The following COL25A1 variants were observed in gnomAD, a reference collection of about 807,000 sequenced individuals.
COL25A1 encodes collagen alpha-1(XXV) chain.
In COL25A1, 103 loss-of-function variants were observed where a neutral mutation model predicts 128.4. The observed-to-expected ratio is 0.80, with a 90% CI of 0.68 to 0.94. COL25A1 has a LOEUF of 0.94. Ranked by LOEUF, COL25A1 falls within the 40% of genes least tolerant of loss-of-function variation. COL25A1 has a pLI of 0.00. For missense variants in COL25A1, 745 were observed against 840.0 expected, an observed-to-expected ratio of 0.89 and a Z score of 1.40; for synonymous variants, 279 against 277.2, an observed-to-expected ratio of 1.01 and a Z score of -0.06.
chr4:109,153,588 G>A (rs138481084), intron 3 of COL25A1, among the ~76,000 whole-genome samples: 5 of 152,194 alleles, frequency 3.3e-5, no homozygotes, highest in African/African-American at 1.2e-4. Context: ...GAAACTTAGT[G>A]TCACCAACAA....
intron 3 of COL25A1, among the ~76,000 whole-genome samples, chr4:109,085,892 T>C (rs1579318449): frequency 6.6e-6 from 1 of 152,174 alleles, no homozygotes; most frequent in Non-Finnish European, 1.5e-5. Context: ...GAAAATAACA[T>C]CCAGTATATT....
At position 109,191,997 on chromosome 4, in the gene COL25A1, A is replaced by G. The variant is rs142868950; in HGVS notation, c.367+108586T>C. Among the ~76,000 whole-genome samples, 89 of 152,364 alleles carry G rather than the reference A, an allele frequency of 5.8e-4. No individual in the cohort carries two copies. The East Asian group carries it at 0.016, about 27-fold the overall frequency. ...TGGTCAAAGGGAAATTAATTCCAAC[A>G]AGAAGTGTCAGAGAGATCTTCCTAA... On this transcript the variant is annotated intron_variant, in intron 3 of 37. Coordinates refer to ENST00000399132, the MANE Select transcript of COL25A1 (RefSeq NM_198721.4).
At chr4:108,996,943 G>A (rs912636417) in intron 6 of COL25A1, among the ~76,000 whole-genome samples, 52 of 152,076 alleles carry the variant, frequency 3.4e-4, no homozygotes, top group African/African-American at 1.2e-3. Flanking sequence ...ACAAAGACAC[G>A]ATGTACCAGA....
At chr4:109,233,989 T>C (rs1779317790) in intron 3 of COL25A1, among the ~76,000 whole-genome samples, 1 of 152,140 alleles carries the variant, frequency 6.6e-6, no homozygotes, top group Non-Finnish European at 1.5e-5. Context: ...CTTCAAATAT[T>C]CTGCTTTCCT....
chr4:108,964,841 G>A (rs1366074503), intron 8 of COL25A1, among the ~76,000 whole-genome samples: 1 of 152,122 alleles, frequency 6.6e-6, no homozygotes, highest in Non-Finnish European at 1.5e-5. Context: ...AAATCTTAAT[G>A]AGCTTACTGT....
chr4:108,826,341 C>A (rs1433761550), intron 33 of COL25A1, among the ~76,000 whole-genome samples: 3 of 152,058 alleles, frequency 2.0e-5, no homozygotes, highest in Admixed American at 1.3e-4. Context: ...AGTTTGAGAC[C>A]AGCGTGGCCA....
chr4:109,162,730 C>A (rs1772695858), intron 3 of COL25A1, among the ~76,000 whole-genome samples: 1 of 152,162 alleles, frequency 6.6e-6, no homozygotes, highest in African/African-American at 2.4e-5. Flanking sequence ...AGCTGATTTA[C>A]CTGCTATGCT....
chr4:108,871,596 G>A (rs1380134437), intron 19 of COL25A1, among the ~76,000 whole-genome samples: 10 of 152,192 alleles, frequency 6.6e-5, no homozygotes, highest in South Asian at 4.1e-4. Context: ...GATTACAGGC[G>A]TGAGCCACCG....
At chr4:108,887,296 C>T (rs1042782353) in intron 18 of COL25A1, among the ~76,000 whole-genome samples, 2 of 152,140 alleles carry the variant, frequency 1.3e-5, no homozygotes, top group African/African-American at 4.8e-5. Context: ...CGCCAATGAA[C>T]CCCCAGCATG....
At chr4:108,896,737 G>A (rs1381866056) in intron 15 of COL25A1, 26 bp from the exon 16 acceptor site, 3 of 1,604,116 alleles carry the variant, frequency 1.9e-6, no homozygotes, top group Admixed American at 3.3e-5. Context: ...AGTGACACAT[G>A]TAAAATACAT....
intron 3 of COL25A1, among the ~76,000 whole-genome samples, chr4:109,097,947 C>G (rs1248010937): frequency 2.0e-5 from 3 of 152,016 alleles, no homozygotes; most frequent in Admixed American, 1.3e-4. Context: ...CAGACGTGAG[C>G]CACCGGCACC....
At chr4:108,875,038 G>C (rs1739273674) in intron 19 of COL25A1, among the ~76,000 whole-genome samples, 1 of 152,166 alleles carries the variant, frequency 6.6e-6, no homozygotes, top group South Asian at 2.1e-4. Context: ...AGTCAATTGG[G>C]ATTCCTCACA....
At position 108,845,129 on chromosome 4, in the gene COL25A1, T is replaced by A. The variant is rs1416348302; in HGVS notation, c.1578+60A>T. 13 of 1,383,408 alleles carry A rather than the reference T, an allele frequency of 9.4e-6. No homozygotes were observed. In the East Asian group the frequency reaches 2.5e-4, roughly 27 times the overall value. The allele number at this position is 1,383,408 out of a possible 1,614,324, so 85.7% of individuals were successfully genotyped here. Reference sequence around the variant, plus strand: ...ATCTGGCAGAGGTGGAATAGGTAAGTAACATGTCAGTGTGTGAGGAGGTTC... The same window carrying A: ...ATCTGGCAGAGGTGGAATAGGTAAGAAACATGTCAGTGTGTGAGGAGGTTC... On this transcript the variant is annotated intron_variant, in intron 29 of 37. Coordinates refer to ENST00000399132, the MANE Select transcript of COL25A1 (RefSeq NM_198721.4).
Position 108,845,319 on chromosome 4 carries a change from T to C in COL25A1, c.1516-68A>G, listed in dbSNP as rs1734960497. ...TCCAGTGTAAGAGACAACTGAATTT[T>C]CTCCCCAAACCCATTGTTCTCTTGA... On this transcript the variant is annotated intron_variant, in intron 28 of 37. Transcript: ENST00000399132. 5.6e-6 allele frequency: 7 copies of C among 1,258,842 alleles called. No individual in the cohort carries two copies. In the South Asian group the frequency reaches 7.2e-5, roughly 13 times the overall value. 78.0% of individuals were successfully genotyped at this position (1,258,842 alleles called of 1,614,324 possible).
At chr4:108,860,872 T>C in intron 23 of COL25A1, 55 bp downstream of exon 23, 1 of 1,460,348 alleles carries the variant, frequency 6.8e-7, no homozygotes. Context: ...CAGACATGAA[T>C]TCAAATCTGG....
At chr4:109,146,154 G>A (rs530672403) in intron 3 of COL25A1, among the ~76,000 whole-genome samples, 8 of 152,080 alleles carry the variant, frequency 5.3e-5, no homozygotes, top group Admixed American at 2.0e-4. Context: ...CTTTTTAAAC[G>A]GTTTTGAGGA....
rs1427034926 is a variant in COL25A1 at position 108,812,069 on chromosome 4, C to A, written c.*1858G>T. 1 of 152,166 alleles carries A rather than the reference C, an allele frequency of 6.6e-6. No individual in the cohort carries two copies. Among genetic ancestry groups the A allele is most frequent in the Non-Finnish European group, 1.5e-5 (1 of 68,014 alleles). The allele number at this position is 152,166 out of a possible 1,614,324, so 9.4% of individuals were successfully genotyped here. On this transcript the variant is annotated 3_prime_UTR_variant, in exon 38 of 38. Transcript: ENST00000399132. ...ATGGGCTGAAAGGGTGCCTACTCCTCATTGATAATGTTTCTTTCAATGTAA... is the reference window on the plus strand; with the variant it reads ...ATGGGCTGAAAGGGTGCCTACTCCTAATTGATAATGTTTCTTTCAATGTAA...
intron 12 of COL25A1, among the ~76,000 whole-genome samples, chr4:108,919,060 C>T (rs1282661613): frequency 6.6e-6 from 1 of 152,138 alleles, no homozygotes; most frequent in Non-Finnish European, 1.5e-5. Context: ...ATACAATGTG[C>T]TTATTCTTTG....
At chr4:108,847,323 G>T (rs1295878238) in intron 27 of COL25A1, among the ~76,000 whole-genome samples, 1 of 152,116 alleles carries the variant, frequency 6.6e-6, no homozygotes, top group Non-Finnish European at 1.5e-5. Flanking sequence ...TAGTTATTAT[G>T]GTAAGGGGCT....
Sources: gnomAD v4.1 joint callset for allele counts (sites outside exome capture counted in the v4.1 genomes callset) on GRCh38, gnomAD v4.1.1 for gene constraint, MANE v1.5 for transcripts, NCBI Gene and HGNC (gene_info 2026-07-23, HGNC 2026-07-21) for gene names.